The following SLC25A37 variants were observed in gnomAD, a reference collection of about 807,000 sequenced individuals.
The protein encoded by SLC25A37 is mitoferrin-1.
A neutral mutation model predicts 31.0 loss-of-function variants in SLC25A37; 17 were observed. The ratio of observed to expected loss-of-function variants is 0.55; its 90% CI spans 0.38 to 0.82. SLC25A37 has a LOEUF of 0.82. Among genes scored for constraint, SLC25A37 ranks in the 40% least tolerant of loss-of-function variants. The pLI is 0.00. For missense variants in SLC25A37, 404 were observed against 465.8 expected, an observed-to-expected ratio of 0.87 and a Z score of 1.22; for synonymous variants, 222 against 193.0, an observed-to-expected ratio of 1.15 and a Z score of -1.24.
At chr8:23,537,756 T>A (rs1801799965) in intron 1 of SLC25A37, among the ~76,000 whole-genome samples, 1 of 152,122 alleles carries the variant, frequency 6.6e-6, no homozygotes, top group African/African-American at 2.4e-5. Flanking sequence ...GAGAGGTAAG[T>A]TTAGCTGATT....
At chr8:23,530,813 A>G (rs11779446) in intron 1 of SLC25A37, among the ~76,000 whole-genome samples, 23,151 of 152,214 alleles carry the variant, frequency 0.15, 2,309 homozygotes, top group East Asian at 0.38. Context: ...AGTTCACTTT[A>G]GAGCATCATT....
chr8:23,536,005 G>A (rs1000611347), intron 1 of SLC25A37, among the ~76,000 whole-genome samples: 6 of 152,132 alleles, frequency 3.9e-5, no homozygotes, highest in African/African-American at 1.4e-4. Context: ...CTATTTTATA[G>A]GGTTGTTGTA....
chr8:23,552,854 G>T (rs1474670836), intron 1 of SLC25A37, among the ~76,000 whole-genome samples: 2 of 152,212 alleles, frequency 1.3e-5, no homozygotes, highest in African/African-American at 4.8e-5. Context: ...AGTTGGGGAG[G>T]TTGGAGGGGT....
At chr8:23,562,323 G>A (rs563536691) in intron 1 of SLC25A37, among the ~76,000 whole-genome samples, 7 of 152,340 alleles carry the variant, frequency 4.6e-5, no homozygotes, top group African/African-American at 1.7e-4. Context: ...GGTGACACGT[G>A]AACTTTGCAT....
At chr8:23,550,916 C>A (rs941737615) in intron 1 of SLC25A37, among the ~76,000 whole-genome samples, 1 of 152,224 alleles carries the variant, frequency 6.6e-6, no homozygotes, top group Admixed American at 6.5e-5. Context: ...AGTCCTATAG[C>A]TGAACTTGGG....
At chr8:23,563,969 A>G (rs1490768059) in intron 1 of SLC25A37, among the ~76,000 whole-genome samples, 1 of 152,190 alleles carries the variant, frequency 6.6e-6, no homozygotes, top group African/African-American at 2.4e-5. Context: ...CAACAGTGTG[A>G]GACTCCGTGT....
chr8:23,540,767 G>A (rs1801873433), intron 1 of SLC25A37, among the ~76,000 whole-genome samples: 1 of 152,210 alleles, frequency 6.6e-6, no homozygotes, highest in Non-Finnish European at 1.5e-5. Context: ...GGTCCACTAA[G>A]GCTGCAGTTT....
intron 1 of SLC25A37, among the ~76,000 whole-genome samples, chr8:23,535,649 T>TA (rs1479066396): frequency 8.5e-5 from 13 of 152,206 alleles, no homozygotes; most frequent in African/African-American, 2.9e-4. Flanking sequence ...AAGCTGCTGA[T>TA]AAAGACATAC....
intron 1 of SLC25A37, among the ~76,000 whole-genome samples, chr8:23,558,454 C>T (rs1489879948): frequency 6.6e-6 from 1 of 152,116 alleles, no homozygotes; most frequent in Non-Finnish European, 1.5e-5. Flanking sequence ...TGTGGTCTCC[C>T]TAGGGCCATT....
chr8:23,529,242 A>G lies in SLC25A37; in HGVS notation c.210+30A>G, dbSNP rs373838829. On this transcript the variant is annotated intron_variant, in intron 1 of 3. Coordinates refer to ENST00000519973, the MANE Select transcript of SLC25A37 (RefSeq NM_016612.4). This position sits in a 1 kb window ranked among gnomAD's most constrained non-coding sequence, Gnocchi z 4.1. ...GGCGCGGGGAGACTTCGGGGACGCA[A>G]CGAGCGGAGAAGGAGCGCGCGCGCG... is the stretch of plus-strand genomic sequence containing the variant. 85 of 1,588,574 alleles carry G rather than the reference A, an allele frequency of 5.4e-5. No homozygotes were observed. In the African/African-American group the frequency reaches 1.0e-3, roughly 19 times the overall value.
In SLC25A37 at chr8:23,571,465, C is replaced by G; in HGVS notation, c.627C>G (p.Ile209Met). 1.2e-6 allele frequency: 2 copies of G among 1,614,030 alleles called. No homozygotes were observed. The highest frequency in any genetic ancestry group is 1.7e-6 in the Non-Finnish European group (2 of 1,179,900). The change falls in exon 4 of 4, where the codon ATC becomes ATG. Residue 209 changes from isoleucine to methionine, a missense_variant. Ile to Met is a conservative substitution (Grantham distance 10). Around this residue, in one of 3 missense-constraint regions of SLC25A37, gnomAD observed 243 missense variants for 284.4 expected, o/e 0.85. Coordinates refer to ENST00000519973, the MANE Select transcript of SLC25A37 (RefSeq NM_016612.4). ...RSYTTQLTMN[I>M]PFQSIHFITY... ...ACACCACGCAGCTGACCATGAACAT[C>G]CCCTTCCAGTCCATCCACTTCATCA...
intron 1 of SLC25A37, among the ~76,000 whole-genome samples, chr8:23,554,268 T>C (rs911331414): frequency 5.3e-5 from 8 of 152,228 alleles, no homozygotes; most frequent in South Asian, 2.1e-4. Context: ...GGGAAGCAAG[T>C]TGATTGACCT....
Position 23,529,158 on chromosome 8 carries a change from A to G in SLC25A37, c.156A>G (p.Gly52=). ...SASVSTHMTA[G]AMAGILEHSV... ...CCGTGTCCACCCACATGACAGCAGG[A>G]GCGATGGCCGGGATCCTGGAGCACT... Residue 52 remains glycine (G), a synonymous_variant, in exon 1 of 4, where the codon GGA becomes GGG. Coordinates refer to ENST00000519973, the MANE Select transcript of SLC25A37 (RefSeq NM_016612.4). The surrounding 1 kb of genome is among the most constrained non-coding windows in gnomAD (Gnocchi z 4.1). 6.2e-7 allele frequency: 1 copy of G among 1,611,390 alleles called. No individual in the cohort carries two copies. Among genetic ancestry groups the G allele is most frequent in the Non-Finnish European group, 8.5e-7 (1 of 1,179,076 alleles).
intron 1 of SLC25A37, among the ~76,000 whole-genome samples, chr8:23,556,254 A>T (rs1265417789): frequency 1.3e-5 from 2 of 148,416 alleles, no homozygotes; most frequent in Non-Finnish European, 3.0e-5. Flanking sequence ...TTTGCAACAG[A>T]GTCTTTCTCA....
intron 2 of SLC25A37, chr8:23,566,958 T>C: frequency 4.0e-6 from 2 of 505,978 alleles, no homozygotes; most frequent in Non-Finnish European, 5.1e-6. Context: ...CTGAAATCAT[T>C]TTGTTTGGTT....
intron 1 of SLC25A37, among the ~76,000 whole-genome samples, chr8:23,560,440 G>T (rs1232990482): frequency 6.6e-6 from 1 of 152,118 alleles, no homozygotes; most frequent in Non-Finnish European, 1.5e-5. Context: ...GAGGCACCCT[G>T]GTGGTTCGTT....
chr8:23,571,819 C>T lies in SLC25A37; in HGVS notation c.981C>T (p.Leu327=), dbSNP rs766262665. 9.3e-6 allele frequency: 15 copies of T among 1,612,122 alleles called. No homozygotes were observed. The highest frequency in any genetic ancestry group is 1.1e-5 in the Non-Finnish European group (13 of 1,178,262). The part of the protein sequence containing the change: ...WSVYEFFKYF[L]TKRQLENRAP... ...TCTATGAGTTCTTCAAGTACTTTCT[C>T]ACCAAGCGCCAGCTGGAAAATCGAG... Residue 327 remains leucine, a synonymous_variant, in exon 4 of 4, where the codon CTC becomes CTT. Transcript: ENST00000519973.
At chr8:23,566,822 G>T (rs568386742) in intron 2 of SLC25A37, 3 of 986,126 alleles carry the variant, frequency 3.0e-6, no homozygotes, top group East Asian at 2.3e-4. Flanking sequence ...AGGTCAAGAA[G>T]TTTTATGGCT....
chr8:23,564,861 C>CTCTG (rs3834377), intron 1 of SLC25A37, among the ~76,000 whole-genome samples: 2 of 151,974 alleles, frequency 1.3e-5, no homozygotes, highest in East Asian at 3.9e-4. Flanking sequence ...ACCTACCTGT[C>CTCTG]TCTGTCTGTC....
Sources: allele counts gnomAD v4.1 joint callset (sites outside exome capture counted in the v4.1 genomes callset), GRCh38; gene constraint gnomAD v4.1.1; regional missense constraint gnomAD v4.1.1; non-coding constraint Gnocchi (gnomAD v3.1); transcripts MANE v1.5; gene names NCBI Gene and HGNC (gene_info 2026-07-23, HGNC 2026-07-21).